Variants in NDST2 observed in about 807,000 individuals in gnomAD.
The protein encoded by NDST2 is bifunctional heparan sulfate N-deacetylase/N-sulfotransferase 2.
A neutral mutation model predicts 86.9 loss-of-function variants in NDST2; 32 were observed. That is an observed-to-expected ratio of 0.37 (90% CI 0.28 to 0.49). NDST2 has a LOEUF of 0.49. Ranked by LOEUF, NDST2 falls within the 20% of genes least tolerant of loss-of-function variation. The probability of loss-of-function intolerance (pLI) is 0.97; values close to 1 mark genes in which losing one functional copy is unlikely to be tolerated. For missense variants in NDST2, 950 were observed against 1,146.9 expected (o/e 0.83, Z 2.48); for synonymous variants, 409 against 437.0 (o/e 0.94, Z 0.80).
In NDST2 at chr10:73,803,958, A is replaced by G. The variant is rs1468685233; in HGVS notation, c.1902T>C (p.Pro634=). ...GAATCTCCTCAAATGTGCTGGGGCT[A>G]GGGAAGCTGCTAGTTACAGCTGGGT... ...SLHPAVTSSF[P]SPSTFEEIQF... is the part of the protein sequence containing the mutation. Residue 634 remains proline (P), a synonymous_variant, in exon 10 of 15, where the codon CCT becomes CCC. Coordinates refer to ENST00000309979, the MANE Select transcript of NDST2 (RefSeq NM_003635.4). 6.2e-7 allele frequency: 1 copy of G among 1,614,166 alleles called. No individual in the cohort carries two copies. Among genetic ancestry groups the G allele is most frequent in the Non-Finnish European group, 8.5e-7 (1 of 1,180,030 alleles).
rs1032792288 is a variant in NDST2, at chr10:73,807,195, C to A, written c.1006G>T (p.Ala336Ser). The A allele has an allele frequency of 6.2e-7, 1 of 1,613,350 alleles. No homozygotes were observed. ...AGTTTGTTCTGGGTGGTCAACAGAG[C>A]CTGGGAAGAGTAGCAGGGACAAGAG... ...GTRMKVADVE[A>S]LLTTQNKLRT... The change falls in exon 4 of 15, where the codon GCT (alanine) becomes TCT (serine). Residue 336 changes from alanine (A) to serine (S), a missense_variant and splice_region_variant. Ala to Ser is a moderately conservative substitution (Grantham distance 99). This residue lies in a region of NDST2 where 586 missense variants were observed against 714.0 expected (regional missense o/e 0.82). Transcript: ENST00000309979.
rs929950436 is a variant in NDST2, at chr10:73,808,481, G to A, written c.-93C>T. ...CTAGGACTGTCTTGGAAGGGTAGAA[G>A]GATAGGAAAATAGGGGACAGGGATT... On this transcript the variant is annotated 5_prime_UTR_variant, in exon 3 of 15. Transcript: ENST00000309979. The surrounding 1 kb of genome is among the most constrained non-coding windows in gnomAD (Gnocchi z 4.3). 7.8e-6 allele frequency: 10 copies of A among 1,290,242 alleles called. No individual in the cohort carries two copies. In the East Asian group the frequency reaches 2.3e-4, roughly 29 times the overall value. The allele number at this position is 1,290,242 out of a possible 1,614,324, so 79.9% of individuals were successfully genotyped here.
chr10:73,803,158 A>C, intron 12 of NDST2, 31 bp downstream of exon 12: 1 of 1,613,552 alleles, frequency 6.2e-7, no homozygotes, highest in Non-Finnish European at 8.5e-7. Flanking sequence ...GGGAAGGGGA[A>C]CCCCACTGAG....
At chr10:73,803,136 AG>A in intron 12 of NDST2, 52 bp downstream of exon 12, 1 of 1,613,596 alleles carries the variant, frequency 6.2e-7, no homozygotes, top group Non-Finnish European at 8.5e-7. Flanking sequence ...TCTGGGCTGA[AG>A]GGAAGAAGAG....
At position 73,808,062 on chromosome 10, in the gene NDST2, A is replaced by G; in HGVS notation, c.327T>C (p.Ser109=). Residue 109 remains serine, a synonymous_variant, in exon 3 of 15, where the codon AGT becomes AGC. Coordinates refer to ENST00000309979, the MANE Select transcript of NDST2 (RefSeq NM_003635.4). The surrounding 1 kb of genome is among the most constrained non-coding windows in gnomAD (Gnocchi z 4.3). Reference sequence around the variant, plus strand: ...CCAACTCAGTGCTATAACGAAAACGACTAGACTCCAGGATGGCCACAATTT... The same window carrying G: ...CCAACTCAGTGCTATAACGAAAACGGCTAGACTCCAGGATGGCCACAATTT... ...GQEIVAILES[S]RFRYSTELAP... The G allele has an allele frequency of 6.2e-7, 1 of 1,614,242 alleles. No homozygotes were observed. The highest frequency in any genetic ancestry group is 2.2e-5 in the East Asian group (1 of 44,892).
Position 73,802,694 on chromosome 10 carries a change from A to G in NDST2, c.2506T>C (p.Tyr836His). 2 of 1,613,986 alleles carry G rather than the reference A, an allele frequency of 1.2e-6. No individual in the cohort carries two copies. The highest frequency in any genetic ancestry group is 1.7e-6 in the Non-Finnish European group (2 of 1,179,972). Residue 836 changes from tyrosine to histidine, a missense_variant, in exon 14 of 15, where the codon TAT becomes CAT. By Grantham distance (83) the Tyr-to-His change is moderately conservative. Transcript: ENST00000309979. ...RCLGRSKGRR[Y>H]PDMDTESRLF... ...CTTACCTCAGTGTCCATATCTGGAT[A>G]CCTCCGGCCTTTGCTCCGGCCTAGA...
At position 73,806,165 on chromosome 10, in the gene NDST2, T is replaced by C. The variant is rs568560796; in HGVS notation, c.1434+124A>G. On this transcript the variant is annotated intron_variant, in intron 6 of 14. Transcript: ENST00000309979. This position sits in a 1 kb window ranked among gnomAD's most constrained non-coding sequence, Gnocchi z 4.5. ...CTGAGGGTGTTAAAATTTTTTCACC[T>C]TTCTACCCCCAATTATGTACCCCCA... 3.8e-5 allele frequency: 58 copies of C among 1,534,272 alleles called. 1 individual carries two copies. The South Asian group carries it at 6.2e-4, about 17-fold the overall frequency.
Position 73,807,861 on chromosome 10 carries a change from C to T in NDST2, c.528G>A (p.Glu176=), listed in dbSNP as rs764431815. The T allele has an allele frequency of 8.7e-6, 14 of 1,604,642 alleles. No individual in the cohort carries two copies. In the Admixed American group the frequency reaches 2.2e-4, roughly 25 times the overall value. The change falls in exon 3 of 15, where the codon GAG becomes GAA. Residue 176 remains glutamate (E), a synonymous_variant. Transcript: ENST00000309979. The part of the protein sequence containing the change: ...VGIIGFFRAH[E]HSLLSAQLKG... ...TGAGCTGGGCGCTCAGTAGGCTGTG[C>T]TCGTGGGCTCGGAAAAAGCCAATGA... is the stretch of plus-strand genomic sequence containing the variant.
chr10:73,805,805 C>A (rs969238689), intron 7 of NDST2, 36 bp from the exon 8 acceptor site: 11 of 1,613,332 alleles, frequency 6.8e-6, no homozygotes, highest in South Asian at 1.1e-5. Context: ...TTTGGAGAGC[C>A]TACCCCACCT....
In NDST2 at chr10:73,802,313, TCTC is replaced by T; in HGVS notation, c.*135_*137del. 1 of 874,916 alleles carries T rather than the reference TCTC, an allele frequency of 1.1e-6. No individual in the cohort carries two copies. Among genetic ancestry groups the T allele is most frequent in the South Asian group, 1.7e-5 (1 of 58,886 alleles). The allele number at this position is 874,916 out of a possible 1,614,324, so 54.2% of individuals were successfully genotyped here. ...CTGTGGGAAAAGGATACCCTTCCCT[TCTC>T]AGCCATCTCAGGCCTGGGGGCTACT... On this transcript the variant is annotated 3_prime_UTR_variant, in exon 15 of 15. Transcript: ENST00000309979.
chr10:73,810,904 C>G lies in NDST2; in HGVS notation c.-446-1G>C, dbSNP rs1015974085. On this transcript the variant is annotated splice_acceptor_variant, in intron 1 of 14. Transcript: ENST00000309979. LOFTEE classifies it low-confidence loss of function (5UTR_SPLICE). ...TAGCCGCTGCATTTTAGCTTCATAC[C>G]TGGAAGAAGCAGCAAGGTTTAGGGA... The G allele has an allele frequency of 5.0e-6, 2 of 399,038 alleles. No individual in the cohort carries two copies. Among genetic ancestry groups the G allele is most frequent in the Non-Finnish European group, 4.4e-6 (1 of 226,120 alleles). The allele number at this position is 399,038 out of a possible 1,614,324, so 24.7% of individuals were successfully genotyped here. A position where few individuals can be genotyped will look rare whatever the true frequency, so the allele number is the denominator to read the frequency against.
In NDST2 at chr10:73,807,644, C is replaced by T; in HGVS notation, c.745G>A (p.Glu249Lys). ...AGAACTGGTCCTGGCACTGCGGGCT[C>T]AGCTGGCCGAAGGCTGGCAAGAAGC... ...PVLLASLRPAEPAVPGPVLRR... is the reference protein window; with the variant it reads ...PVLLASLRPAKPAVPGPVLRR... Residue 249 changes from glutamate (E) to lysine (K), a missense_variant, in exon 3 of 15, where the codon GAG (glutamate) becomes AAG (lysine). Glu to Lys is a moderately conservative substitution (Grantham distance 56, BLOSUM62 1). Around this residue, in one of 5 missense-constraint regions of NDST2, gnomAD observed 586 missense variants for 714.0 expected, o/e 0.82. Coordinates refer to ENST00000309979, the MANE Select transcript of NDST2 (RefSeq NM_003635.4). The T allele has an allele frequency of 6.2e-7, 1 of 1,614,218 alleles. No individual in the cohort carries two copies. The highest frequency in any genetic ancestry group is 8.5e-7 in the Non-Finnish European group (1 of 1,180,044).
At chr10:73,807,087 G>A in intron 4 of NDST2, 21 bp downstream of exon 4, 2 of 1,604,452 alleles carry the variant, frequency 1.2e-6, no homozygotes, top group Non-Finnish European at 1.7e-6. Context: ...ATATGCCAAA[G>A]GAGTAGGGGT....
intron 8 of NDST2, among the ~76,000 whole-genome samples, chr10:73,805,374 C>T (rs899051653): frequency 1.3e-5 from 2 of 151,844 alleles, no homozygotes; most frequent in Admixed American, 6.6e-5. Flanking sequence ...ATTAGCCGGG[C>T]GTGGTGGCGG....
chr10:73,811,524 G>T lies in NDST2; in HGVS notation c.-497C>A, dbSNP rs2132891260. 1 of 152,338 alleles carries T rather than the reference G, an allele frequency of 6.6e-6. No homozygotes were observed. The highest frequency in any genetic ancestry group is 2.4e-5 in the African/African-American group (1 of 41,578). The allele number at this position is 152,338 out of a possible 1,614,324, so 9.4% of individuals were successfully genotyped here. A position where few individuals can be genotyped will look rare whatever the true frequency, so the allele number is the denominator to read the frequency against. ...TGTCCCCGGGCTCCGCCGCGTCCCG[G>T]GGCTGCCCGGCTTCCCTGCTTTCGG... On this transcript the variant is annotated 5_prime_UTR_variant, in exon 1 of 15. Transcript: ENST00000309979.
At position 73,802,348 on chromosome 10, in the gene NDST2, G is replaced by T; in HGVS notation, c.*103C>A. 1 of 1,319,520 alleles carries T rather than the reference G, an allele frequency of 7.6e-7. No homozygotes were observed. Among genetic ancestry groups the T allele is most frequent in the Non-Finnish European group, 1.1e-6 (1 of 946,168 alleles). The allele number at this position is 1,319,520 out of a possible 1,614,324, so 81.7% of individuals were successfully genotyped here. On this transcript the variant is annotated 3_prime_UTR_variant, in exon 15 of 15. Coordinates refer to ENST00000309979, the MANE Select transcript of NDST2 (RefSeq NM_003635.4). ...CTCAGGCCTGGGGGCTACTGAGGTA[G>T]AGGGGGAGGGGCCAGGCCACTCTAA...
In NDST2 at chr10:73,807,601, G is replaced by T; in HGVS notation, c.788C>A (p.Pro263His). 1 of 1,614,212 alleles carries T rather than the reference G, an allele frequency of 6.2e-7. No individual in the cohort carries two copies. The highest frequency in any genetic ancestry group is 8.5e-7 in the Non-Finnish European group (1 of 1,180,040). ...PGPVLRRARL[P>H]TVVQDLGLHD... The stretch of plus-strand genomic sequence containing the variant: ...AAGCCCCAGGTCCTGTACCACAGTG[G>T]GAAGCCGGGCCCGACGAAGAACTGG... The change falls in exon 3 of 15, where the codon CCC becomes CAC. Residue 263 changes from proline (P) to histidine (H), a missense_variant. Around this residue, in one of 5 missense-constraint regions of NDST2, gnomAD observed 586 missense variants for 714.0 expected, o/e 0.82. Coordinates refer to ENST00000309979, the MANE Select transcript of NDST2 (RefSeq NM_003635.4).
chr10:73,802,987 T>C lies in NDST2; in HGVS notation c.2408A>G (p.Tyr803Cys). 5 of 1,614,224 alleles carry C rather than the reference T, an allele frequency of 3.1e-6. No individual in the cohort carries two copies. The highest frequency in any genetic ancestry group is 4.2e-6 in the Non-Finnish European group (5 of 1,180,028). The part of the protein sequence containing the change: ...KFLGITPFLN[Y>C]TRTLRFDDDK... ...GCTCTCCCACCTGAGGGTCCGTGTG[T>C]AGTTCAGAAAGGGTGTGATACCCAG... Residue 803 changes from tyrosine (Y) to cysteine (C), a missense_variant, in exon 13 of 15, where the codon TAC (tyrosine) becomes TGC (cysteine). Physicochemically the swap from Tyr to Cys is radical, Grantham distance 194. Coordinates refer to ENST00000309979, the MANE Select transcript of NDST2 (RefSeq NM_003635.4).
In NDST2 at chr10:73,802,510, G is replaced by A. The variant is rs769304845; in HGVS notation, c.2593C>T (p.Leu865Phe). ...NLELSKLLSR[L>F]GQPVPSWLRE... ...AGCCACGAGGGCACTGGCTGTCCAA[G>A]CCGGCTCAGCAGCTTCGACAACTCC... The change falls in exon 15 of 15, where the codon CTT (leucine) becomes TTT (phenylalanine). Residue 865 changes from leucine (L) to phenylalanine (F), a missense_variant. Physicochemically the swap from Leu to Phe is conservative, Grantham distance 22 (BLOSUM62 0). Transcript: ENST00000309979. The A allele has an allele frequency of 6.2e-7, 1 of 1,614,052 alleles. No individual in the cohort carries two copies. The highest frequency in any genetic ancestry group is 1.7e-5 in the Admixed American group (1 of 60,022).
Sources: gnomAD v4.1 joint callset for allele counts (sites outside exome capture counted in the v4.1 genomes callset) on GRCh38, gnomAD v4.1.1 for gene constraint, gnomAD v4.1.1 regional missense constraint, Gnocchi (gnomAD v3.1) non-coding constraint, MANE v1.5 for transcripts, NCBI Gene and HGNC (gene_info 2026-07-23, HGNC 2026-07-21) for gene names.